The following CADPS variants were observed in gnomAD, a reference collection of about 807,000 sequenced individuals.
CADPS encodes calcium dependent secretion activator.
Under a neutral mutation model 167.3 loss-of-function variants are expected in CADPS, and 57 were observed. The observed-to-expected ratio is 0.34, with a 90% CI of 0.28 to 0.42. The LOEUF is 0.42. Ranked by LOEUF, CADPS falls within the 20% of genes least tolerant of loss-of-function variation. CADPS has a pLI of 1.00. For synonymous variants in CADPS, 676 were observed against 635.3 expected (o/e 1.06, Z -0.96); for missense variants, 1,414 against 1,738.1 (o/e 0.81, Z 3.32).
intron 5 of CADPS, among the ~76,000 whole-genome samples, chr3:62,647,339 C>A (rs1188054294): frequency 6.6e-6 from 1 of 152,172 alleles, no homozygotes; most frequent in Admixed American, 6.5e-5. Flanking sequence ...TAATGTGAAT[C>A]AGAATCATTT....
chr3:62,637,982 T>A (rs954850258), intron 6 of CADPS, among the ~76,000 whole-genome samples: 1 of 151,942 alleles, frequency 6.6e-6, no homozygotes, highest in African/African-American at 2.4e-5. Context: ...GCCACCTTGT[T>A]TTCCCCCATG....
chr3:62,638,970 T>C (rs2066874133), intron 6 of CADPS, among the ~76,000 whole-genome samples: 1 of 152,134 alleles, frequency 6.6e-6, no homozygotes, highest in Admixed American at 6.5e-5. Flanking sequence ...TCTCCAAAAC[T>C]TGTTCCCTAG....
At chr3:62,719,215 C>T (rs1581082478) in intron 3 of CADPS, among the ~76,000 whole-genome samples, 1 of 152,198 alleles carries the variant, frequency 6.6e-6, no homozygotes, top group African/African-American at 2.4e-5. Flanking sequence ...TCATAGCCCT[C>T]CTGGGCCCTG....
In CADPS at chr3:62,766,113, T is replaced by C. The variant is rs143051747; in HGVS notation, c.442-129A>G. ...CTTGTATAGGTGTGTGACAGCTGAT[T>C]AGTGAATCTGTGGAAACTTCTGTGA... On this transcript the variant is annotated intron_variant, in intron 1 of 29. Coordinates refer to ENST00000383710, the MANE Select transcript of CADPS (RefSeq NM_003716.4). 1.4e-3 allele frequency: 644 copies of C among 461,874 alleles called. 5 individuals are homozygous for C. The highest frequency in any genetic ancestry group is 9.5e-3 in the Admixed American group (258 of 27,158). 28.6% of individuals were successfully genotyped at this position (461,874 alleles called of 1,614,324 possible).
chr3:62,842,169 G>A (rs150674413), intron 1 of CADPS, among the ~76,000 whole-genome samples: 4 of 152,238 alleles, frequency 2.6e-5, no homozygotes, highest in African/African-American at 9.6e-5. Context: ...GTATCCATTT[G>A]GCAAGAACAA....
At position 62,550,154 on chromosome 3, in the gene CADPS, C is replaced by T. The variant is rs570520484; in HGVS notation, c.1754-39G>A. 51 of 1,523,034 alleles carry T rather than the reference C, an allele frequency of 3.3e-5. 1 individual carries two copies. The South Asian group carries it at 5.4e-4, about 16-fold the overall frequency. The allele number at this position is 1,523,034 out of a possible 1,614,324, so 94.3% of individuals were successfully genotyped here. ...GAGTAACAACTTCTACTAAGCTGAG[C>T]TGTGATGTTCTCAACTGGACTCAGC... On this transcript the variant is annotated intron_variant, in intron 10 of 29. Transcript: ENST00000383710.
At chr3:62,611,163 C>A (rs2061451628) in intron 6 of CADPS, among the ~76,000 whole-genome samples, 1 of 152,174 alleles carries the variant, frequency 6.6e-6, no homozygotes, top group Non-Finnish European at 1.5e-5. Context: ...TTCTGATCTT[C>A]CCCATCCCAA....
chr3:62,677,346 TAGATTTGACACTAGCTC>T (rs1343337357), intron 3 of CADPS, among the ~76,000 whole-genome samples: 2 of 152,054 alleles, frequency 1.3e-5, no homozygotes, highest in Non-Finnish European at 1.5e-5. Flanking sequence ...CACAAAGGTT[TAGATTTGACACTAGCTC>T]AGATTGGGAT....
intron 3 of CADPS, among the ~76,000 whole-genome samples, chr3:62,714,316 C>T (rs2083989577): frequency 6.6e-6 from 1 of 152,144 alleles, no homozygotes; most frequent in South Asian, 2.1e-4. Flanking sequence ...ATGGTTAATT[C>T]ATTGCTCATT....
intron 9 of CADPS, among the ~76,000 whole-genome samples, chr3:62,569,705 A>G (rs900962417): frequency 3.3e-5 from 5 of 152,232 alleles, no homozygotes. Context: ...TCTAAATATT[A>G]ATCCTAGTCA....
At chr3:62,813,256 C>T (rs773103698) in intron 1 of CADPS, among the ~76,000 whole-genome samples, 3 of 152,032 alleles carry the variant, frequency 2.0e-5, no homozygotes, top group African/African-American at 4.8e-5. Flanking sequence ...GGTACTGCTA[C>T]AAACACAGAC....
At chr3:62,775,532 T>C (rs150991104) in intron 1 of CADPS, among the ~76,000 whole-genome samples, 3,356 of 152,320 alleles carry the variant, frequency 0.022, 58 homozygotes, top group South Asian at 0.05. Flanking sequence ...GTCCAGATTA[T>C]GGTGGTGATT....
intron 7 of CADPS, among the ~76,000 whole-genome samples, chr3:62,587,139 G>A (rs951750077): frequency 1.3e-5 from 2 of 152,172 alleles, no homozygotes; most frequent in African/African-American, 4.8e-5. Context: ...CCATTTTCTT[G>A]TTTGCCAGGC....
At chr3:62,751,621 A>G (rs2082721061) in intron 3 of CADPS, among the ~76,000 whole-genome samples, 1 of 151,976 alleles carries the variant, frequency 6.6e-6, no homozygotes, top group Non-Finnish European at 1.5e-5. Context: ...CAGTTTCACC[A>G]TGTTGGCCAG....
chr3:62,623,164 G>A (rs946823644), intron 6 of CADPS, among the ~76,000 whole-genome samples: 2 of 152,160 alleles, frequency 1.3e-5, no homozygotes, highest in African/African-American at 4.8e-5. Context: ...TTCTCTGGGA[G>A]TAAGTCCCAC....
At chr3:62,548,365 G>C (rs1021246977) in intron 11 of CADPS, among the ~76,000 whole-genome samples, 3 of 149,194 alleles carry the variant, frequency 2.0e-5, no homozygotes, top group African/African-American at 7.4e-5. Flanking sequence ...TGGTAGGTGT[G>C]GGCAATCTCT....
At chr3:62,431,281 G>A (rs1219860226) in intron 28 of CADPS, among the ~76,000 whole-genome samples, 1 of 152,122 alleles carries the variant, frequency 6.6e-6, no homozygotes. Context: ...GTGACCCTCT[G>A]ATTTACCCAC....
At chr3:62,513,865 A>C (rs1316361871) in intron 16 of CADPS, among the ~76,000 whole-genome samples, 1 of 152,014 alleles carries the variant, frequency 6.6e-6, no homozygotes, top group Non-Finnish European at 1.5e-5. Flanking sequence ...TCAAAATTGG[A>C]GATCTACTGG....
intron 5 of CADPS, among the ~76,000 whole-genome samples, chr3:62,649,541 GTCTT>G (rs2069484731): frequency 9.3e-5 from 7 of 75,000 alleles, no homozygotes; most frequent in African/African-American, 1.4e-4. Context: ...ACAATATGTG[GTCTT>G]TTTTTTTTTT....
Sources: allele counts gnomAD v4.1 joint callset (sites outside exome capture counted in the v4.1 genomes callset), GRCh38; gene constraint gnomAD v4.1.1; transcripts MANE v1.5; gene names NCBI Gene and HGNC (gene_info 2026-07-23, HGNC 2026-07-21).